Variants in EPM2A observed in about 807,000 individuals in gnomAD.
The protein encoded by EPM2A is EPM2A glucan phosphatase, laforin, also known as laforin.
Under a neutral mutation model 26.5 loss-of-function variants are expected in EPM2A, and 21 were observed. That is an observed-to-expected ratio of 0.79 (90% CI 0.56 to 1.14). EPM2A has a LOEUF of 1.14. Among genes scored for constraint, EPM2A ranks in the 50% most tolerant of loss-of-function variants. The probability of loss-of-function intolerance (pLI) is 0.00; values close to 1 mark genes in which losing one functional copy is unlikely to be tolerated. For missense variants in EPM2A, 458 were observed against 440.8 expected, an observed-to-expected ratio of 1.04 and a Z score of -0.35; for synonymous variants, 217 against 177.6, an observed-to-expected ratio of 1.22 and a Z score of -1.76.
intron 1 of EPM2A, among the ~76,000 whole-genome samples, chr6:145,696,314 CA>C (rs996594438): frequency 7.9e-5 from 12 of 151,836 alleles, no homozygotes; most frequent in African/African-American, 2.7e-4. Flanking sequence ...ATGCCTATAT[CA>C]AAAAAAGGAG....
rs1775746869 is a variant in EPM2A, at chr6:145,625,573, T to C, written c.*1843A>G. 4 of 647,000 alleles carry C rather than the reference T, an allele frequency of 6.2e-6. No homozygotes were observed. Among genetic ancestry groups the C allele is most frequent in the Non-Finnish European group, 5.7e-6 (2 of 351,226 alleles). The allele number at this position is 647,000 out of a possible 1,614,324, so 40.1% of individuals were successfully genotyped here. ...AAATTTAATTTTTAAGATTAAATTT[T>C]CACAACACATTATGACTGTAAATGA... is the stretch of plus-strand genomic sequence containing the variant. On this transcript the variant is annotated 3_prime_UTR_variant, in exon 4 of 4. Coordinates refer to ENST00000367519, the MANE Select transcript of EPM2A (RefSeq NM_005670.4).
At chr6:145,656,709 C>G (rs1183842189) in intron 2 of EPM2A, among the ~76,000 whole-genome samples, 1 of 152,062 alleles carries the variant, frequency 6.6e-6, no homozygotes, top group African/African-American at 2.4e-5. Flanking sequence ...GTGCTATTGC[C>G]AAAGGAGTTG....
rs571020567 is a variant in EPM2A at position 145,658,692 on chromosome 6, A to C, written c.477-23206T>G. 2.9e-4 allele frequency among the ~76,000 whole-genome samples: 44 copies of C among 152,334 alleles called. 2 individuals are homozygous for C. The South Asian group carries it at 8.9e-3, about 31-fold the overall frequency. ...TTCACAAATCAAAATAAGTTAAAAAAAATCTATCTTGCTTTTATAAGTTAA... is the reference window on the plus strand; with the variant it reads ...TTCACAAATCAAAATAAGTTAAAAACAATCTATCTTGCTTTTATAAGTTAA... On this transcript the variant is annotated intron_variant, in intron 2 of 3. Transcript: ENST00000367519.
rs189853200 is a variant in EPM2A, at chr6:145,709,484, C to T, written c.302-23188G>A. Among the ~76,000 whole-genome samples, 7 of 152,242 alleles carry T rather than the reference C, an allele frequency of 4.6e-5. 1 individual carries two copies. Among genetic ancestry groups the T allele is most frequent in the East Asian group, 1.9e-4 (1 of 5,180 alleles). ...GTTCTCCTGCACACACTCTCTGGCC[C>T]GCCGCCATGTAAGATATGACTTTGC... On this transcript the variant is annotated intron_variant, in intron 1 of 3. Coordinates refer to ENST00000367519, the MANE Select transcript of EPM2A (RefSeq NM_005670.4).
intron 2 of EPM2A, among the ~76,000 whole-genome samples, chr6:145,657,011 A>G (rs1009592396): frequency 6.6e-6 from 1 of 152,212 alleles, no homozygotes; most frequent in Non-Finnish European, 1.5e-5. Flanking sequence ...GAGAATTTCA[A>G]TAACAGATTT....
chr6:145,527,824 G>C (rs1341337629), intron 2 of EPM2A, among the ~76,000 whole-genome samples: 3 of 152,046 alleles, frequency 2.0e-5, no homozygotes. Flanking sequence ...TAGTAAGAAA[G>C]GCATGTCATA....
At chr6:145,501,012 G>A (rs1438016579), downstream of EPM2A, among the ~76,000 whole-genome samples, 1 of 152,156 alleles carries the variant, frequency 6.6e-6, no homozygotes, top group African/African-American at 2.4e-5. Context: ...TTCCATGTGT[G>A]TCAGTATTCA....
At chr6:145,396,858 A>G (rs1778411978) in intron 4 of EPM2A, among the ~76,000 whole-genome samples, 1 of 152,082 alleles carries the variant, frequency 6.6e-6, no homozygotes, top group Admixed American at 6.6e-5. Flanking sequence ...ACTTGAGAAA[A>G]CCATTTCTAC....
chr6:145,560,232 C>T (rs1780786135), intron 2 of EPM2A, among the ~76,000 whole-genome samples: 1 of 152,064 alleles, frequency 6.6e-6, no homozygotes, highest in Non-Finnish European at 1.5e-5. Context: ...GGCTATATTC[C>T]ACCAATTTTG....
At chr6:145,658,978 T>C (rs1358746000) in intron 2 of EPM2A, among the ~76,000 whole-genome samples, 2 of 152,192 alleles carry the variant, frequency 1.3e-5, no homozygotes, top group Non-Finnish European at 2.9e-5. Flanking sequence ...AATTAAATGA[T>C]ATAAGAGGCG....
At chr6:145,592,616 A>G (rs968629984) in intron 2 of EPM2A, among the ~76,000 whole-genome samples, 6 of 152,030 alleles carry the variant, frequency 3.9e-5, no homozygotes, top group African/African-American at 1.4e-4. Flanking sequence ...AAGTGTTCCT[A>G]TTTCTCCATA....
At chr6:145,453,000 G>C (rs1730262449) in intron 4 of EPM2A, among the ~76,000 whole-genome samples, 1 of 152,148 alleles carries the variant, frequency 6.6e-6, no homozygotes, top group Admixed American at 6.5e-5. Flanking sequence ...GGTAATGGGT[G>C]ATCAGGACTT....
intron 2 of EPM2A, among the ~76,000 whole-genome samples, chr6:145,558,893 C>T (rs1192687786): frequency 1.3e-5 from 2 of 152,070 alleles, no homozygotes; most frequent in East Asian, 3.9e-4. Flanking sequence ...CTTTTCCCCA[C>T]CTCCACCCCT....
At chr6:145,575,621 C>T (rs559877212) in intron 2 of EPM2A, among the ~76,000 whole-genome samples, 20 of 152,256 alleles carry the variant, frequency 1.3e-4, no homozygotes, top group African/African-American at 4.3e-4. Context: ...TTCCTTGTTT[C>T]TCCACAAGTT....
In EPM2A at chr6:145,543,411, G is replaced by C. The variant is rs111654955; in HGVS notation, c.341-40836C>G. ...GAGAACATAGCCTCTTGTCAAAAAA[G>C]GTCTTGATGGAAGTCACCCAAAAAA... On this transcript the variant is annotated intron_variant, in intron 2 of 3. Transcript: ENST00000450221. 8.1e-3 allele frequency among the ~76,000 whole-genome samples: 1,239 copies of C among 152,080 alleles called. 19 individuals carry two copies. Among genetic ancestry groups the C allele is most frequent in the African/African-American group, 0.028 (1,169 of 41,496 alleles).
At chr6:145,396,834 G>A (rs1778411738) in intron 4 of EPM2A, among the ~76,000 whole-genome samples, 2 of 152,266 alleles carry the variant, frequency 1.3e-5, no homozygotes, top group South Asian at 4.2e-4. Context: ...CAGCTATGGT[G>A]GTGGCCAAAT....
intron 1 of EPM2A, among the ~76,000 whole-genome samples, chr6:145,715,139 T>TTTCTGTTTGACAATAATTTATA (rs1176436293): frequency 7.9e-5 from 12 of 152,274 alleles, no homozygotes; most frequent in African/African-American, 2.9e-4. Flanking sequence ...ACTTTACAGA[T>TTTCTGTTTGACAATAATTTATA]TTCTGTTTGA....
At chr6:145,528,884 A>T (rs1278483492) in intron 2 of EPM2A, among the ~76,000 whole-genome samples, 1 of 152,176 alleles carries the variant, frequency 6.6e-6, no homozygotes. Context: ...CATGAAGAAC[A>T]TTCATGATAC....
At chr6:145,388,654 T>C (rs1259797111) in intron 4 of EPM2A, among the ~76,000 whole-genome samples, 1 of 152,112 alleles carries the variant, frequency 6.6e-6, no homozygotes, top group Non-Finnish European at 1.5e-5. Context: ...CCTAATGCTG[T>C]CCCTCCCCTT....
Sources: gnomAD v4.1 joint callset for allele counts (sites outside exome capture counted in the v4.1 genomes callset) on GRCh38, gnomAD v4.1.1 for gene constraint, MANE v1.5 for transcripts, NCBI Gene and HGNC (gene_info 2026-07-23, HGNC 2026-07-21) for gene names.